Variants in PITPNA observed in about 807,000 individuals in gnomAD.
PITPNA encodes phosphatidylinositol transfer protein alpha isoform.
A neutral mutation model predicts 50.3 loss-of-function variants in PITPNA; 13 were observed. That is an observed-to-expected ratio of 0.26 (90% CI 0.17 to 0.41). The LOEUF is 0.41. PITPNA is among the 10% of genes least tolerant of loss of function. The pLI, the probability that PITPNA is intolerant of heterozygous loss-of-function variation, is 1.00. For synonymous variants in PITPNA, 120 were observed against 119.6 expected (o/e 1.00, Z -0.02); for missense variants, 207 against 333.4 (o/e 0.62, Z 2.95).
intron 2 of PITPNA, among the ~76,000 whole-genome samples, chr17:1,554,308 G>C (rs1034320501): frequency 6.6e-6 from 1 of 152,144 alleles, no homozygotes; most frequent in Non-Finnish European, 1.5e-5. Flanking sequence ...AACATGCTGG[G>C]GGGTGGAGGG....
intron 3 of PITPNA, among the ~76,000 whole-genome samples, chr17:1,549,075 T>A (rs1404293478): frequency 3.3e-5 from 5 of 150,834 alleles, no homozygotes; most frequent in African/African-American, 1.2e-4. Context: ...GCCCAGCTAA[T>A]TTTTGTATTT....
rs953166856 is a variant in PITPNA, at chr17:1,518,148, A to C, written c.*2413T>G. ...AGTAGCACTAGGAACCAACCAAAGT[A>C]AGTCAGGGAGTCCCAGCAGGGACTG... On this transcript the variant is annotated 3_prime_UTR_variant, in exon 12 of 12. Coordinates refer to ENST00000313486, the MANE Select transcript of PITPNA (RefSeq NM_006224.4). 2.5e-4 allele frequency: 38 copies of C among 152,686 alleles called. No homozygotes were observed. Among genetic ancestry groups the C allele is most frequent in the Admixed American group, 1.4e-3 (22 of 15,302 alleles). 9.5% of individuals were successfully genotyped at this position (152,686 alleles called of 1,614,324 possible). A position where few individuals can be genotyped will look rare whatever the true frequency, so the allele number is the denominator to read the frequency against.
chr17:1,520,257 A>AAC lies in PITPNA; in HGVS notation c.*302_*303dup, dbSNP rs1309320574. ...GTCACTTGGAAATAAAGGTTGGGGG[A>AAC]ACACACAGAAATGGATCGGAACACA... On this transcript the variant is annotated 3_prime_UTR_variant, in exon 12 of 12. Transcript: ENST00000313486. 6.6e-6 allele frequency: 1 copy of AAC among 152,574 alleles called. No homozygotes were observed. Among genetic ancestry groups the AAC allele is most frequent in the Non-Finnish European group, 1.5e-5 (1 of 68,036 alleles). The allele number at this position is 152,574 out of a possible 1,614,324, so 9.5% of individuals were successfully genotyped here. A position where few individuals can be genotyped will look rare whatever the true frequency, so the allele number is the denominator to read the frequency against.
chr17:1,521,464 A>G (rs75832429), intron 11 of PITPNA, 115 bp downstream of exon 11: 141 of 731,966 alleles, frequency 1.9e-4, no homozygotes, highest in Non-Finnish European at 3.2e-4. Context: ...GGCAACCATC[A>G]TTACTAGAGG....
chr17:1,554,923 GC>G (rs1347202224), intron 2 of PITPNA, among the ~76,000 whole-genome samples: 2 of 152,128 alleles, frequency 1.3e-5, no homozygotes, highest in Admixed American at 1.3e-4. Context: ...CTGCCTCAAT[GC>G]CCCCCTGGAG....
At chr17:1,543,107 A>C in intron 4 of PITPNA, 80 bp from the exon 5 acceptor site, 25 of 1,060,234 alleles carry the variant, frequency 2.4e-5, no homozygotes, top group Non-Finnish European at 3.3e-5. Context: ...CACCCCCCAC[A>C]AGGAGGACGA....
chr17:1,558,788 C>A (rs975598887), intron 1 of PITPNA, among the ~76,000 whole-genome samples: 4 of 120,408 alleles, frequency 3.3e-5, no homozygotes, highest in Admixed American at 8.1e-5. Context: ...CCGCCCCCCC[C>A]CCCAGAGAAT....
At chr17:1,538,621 A>G in intron 7 of PITPNA, 1 of 389,812 alleles carries the variant, frequency 2.6e-6, no homozygotes, top group South Asian at 4.9e-5. Flanking sequence ...CTCTAGCTAC[A>G]ATACCTACTT....
At chr17:1,543,091 GCCCCCCA>G in intron 4 of PITPNA, 64 bp from the exon 5 acceptor site, 3 of 1,295,390 alleles carry the variant, frequency 2.3e-6, no homozygotes, top group South Asian at 1.3e-5. Flanking sequence ...AGAAATATCT[GCCCCCCA>G]CCCCCCACAA....
Position 1,555,397 on chromosome 17 carries a change from G to A in PITPNA, c.52-2248C>T, listed in dbSNP as rs118070911. Among the ~76,000 whole-genome samples the A allele has an allele frequency of 3.1e-3, 477 of 152,322 alleles. 1 individual carries two copies. Among genetic ancestry groups the A allele is most frequent in the Middle Eastern group, 0.01 (3 of 294 alleles). ...GCTACAAGTGAAGGGCGCTTTTCAC[G>A]TTAGAGTTCCTTTTGGCACAGCTGC... On this transcript the variant is annotated intron_variant, in intron 2 of 11. Coordinates refer to ENST00000313486, the MANE Select transcript of PITPNA (RefSeq NM_006224.4).
chr17:1,527,018 A>G (rs1031704001), intron 10 of PITPNA, among the ~76,000 whole-genome samples: 1 of 152,012 alleles, frequency 6.6e-6, no homozygotes, highest in African/African-American at 2.4e-5. Context: ...TCAGCCTCCC[A>G]AAGTGCTGGG....
At chr17:1,535,561 G>A in intron 7 of PITPNA, 43 bp from the exon 8 acceptor site, 2 of 1,220,612 alleles carry the variant, frequency 1.6e-6, no homozygotes, top group Non-Finnish European at 2.4e-6. Flanking sequence ...GAGTGGGAGA[G>A]GGAGTGAGAG....
intron 6 of PITPNA, 24 bp from the exon 7 acceptor site, chr17:1,538,976 C>T (rs374035259): frequency 7.0e-5 from 108 of 1,551,312 alleles, no homozygotes; most frequent in Non-Finnish European, 9.0e-5. Context: ...TGGGGAACCA[C>T]TATGCAGTTT....
At chr17:1,540,644 AGTG>A (rs1332310544) in intron 6 of PITPNA, among the ~76,000 whole-genome samples, 1 of 150,998 alleles carries the variant, frequency 6.6e-6, no homozygotes, top group African/African-American at 2.4e-5. Flanking sequence ...GTTGGAGTAC[AGTG>A]GCGTGATCTC....
intron 6 of PITPNA, among the ~76,000 whole-genome samples, chr17:1,540,260 C>T (rs2075641464): frequency 6.6e-6 from 1 of 152,294 alleles, no homozygotes; most frequent in Admixed American, 6.5e-5. Context: ...TCAGGCTGTA[C>T]ATGCACATAA....
chr17:1,538,816 G>A lies in PITPNA; in HGVS notation c.456+53C>T, dbSNP rs778061072. ...ATGGTTTCCTGGTTTCTTTAGCATT[G>A]AGAAGTCATTTCTGCGTCTCGAAGG... is the stretch of plus-strand genomic sequence containing the variant. On this transcript the variant is annotated intron_variant, in intron 7 of 11. Transcript: ENST00000313486. 7 of 1,102,798 alleles carry A rather than the reference G, an allele frequency of 6.3e-6. No individual in the cohort carries two copies. The East Asian group carries it at 7.1e-5, about 11-fold the overall frequency. 68.3% of individuals were successfully genotyped at this position (1,102,798 alleles called of 1,614,324 possible).
chr17:1,536,297 T>C (rs796833548), intron 7 of PITPNA, among the ~76,000 whole-genome samples: 8 of 147,166 alleles, frequency 5.4e-5, no homozygotes, highest in African/African-American at 1.6e-4. Flanking sequence ...TTTTTTTTCT[T>C]TTTTTTTTGA....
chr17:1,551,733 A>C (rs1297914956), intron 3 of PITPNA, among the ~76,000 whole-genome samples: 1 of 152,222 alleles, frequency 6.6e-6, no homozygotes, highest in Non-Finnish European at 1.5e-5. Flanking sequence ...TAAGAAATAC[A>C]AATACCAGAG....
intron 11 of PITPNA, 147 bp downstream of exon 11, chr17:1,521,432 G>C: frequency 1.5e-6 from 1 of 654,344 alleles, no homozygotes; most frequent in Non-Finnish European, 2.8e-6. Context: ...TCTCCTAGTG[G>C]AAGTGGAGAG....
Sources: allele counts gnomAD v4.1 joint callset (sites outside exome capture counted in the v4.1 genomes callset), GRCh38; gene constraint gnomAD v4.1.1; transcripts MANE v1.5; gene names NCBI Gene and HGNC (gene_info 2026-07-23, HGNC 2026-07-21).